Variants in PKHD1L1 observed in about 807,000 individuals in gnomAD.
The protein encoded by PKHD1L1 is fibrocystin-L.
Under a neutral mutation model 462.9 loss-of-function variants are expected in PKHD1L1, and 434 were observed. That is an observed-to-expected ratio of 0.94 (90% CI 0.87 to 1.02). The LOEUF is 1.02. Among genes scored for constraint, PKHD1L1 ranks in the 50% least tolerant of loss-of-function variants. The pLI, the probability that PKHD1L1 is intolerant of heterozygous loss-of-function variation, is 0.00. For synonymous variants in PKHD1L1, 1,781 were observed against 1,750.0 expected (o/e 1.02, Z -0.44); for missense variants, 5,202 against 5,096.1 (o/e 1.02, Z -0.63).
chr8:109,395,934 C>A, intron 10 of PKHD1L1, 93 bp from the exon 11 acceptor site: 1 of 797,398 alleles, frequency 1.3e-6, no homozygotes, highest in Non-Finnish European at 2.1e-6. Context: ...GTGTTAGGCA[C>A]TATGGCTAGG....
intron 45 of PKHD1L1, among the ~76,000 whole-genome samples, chr8:109,455,927 G>A (rs896676985): frequency 7.9e-5 from 12 of 151,956 alleles, no homozygotes; most frequent in Admixed American, 3.3e-4. Flanking sequence ...TACCAATAAT[G>A]ACAAAGACAA....
chr8:109,439,236 A>C (rs1274363916), intron 32 of PKHD1L1, 144 bp downstream of exon 32: 33 of 720,644 alleles, frequency 4.6e-5, no homozygotes, highest in Non-Finnish European at 7.0e-5. Context: ...AGATGCCGAG[A>C]ATATCTCATA....
At chr8:109,457,771 A>G (rs1454816965) in intron 46 of PKHD1L1, among the ~76,000 whole-genome samples, 1 of 152,212 alleles carries the variant, frequency 6.6e-6, no homozygotes, top group Non-Finnish European at 1.5e-5. Flanking sequence ...GGAAGGAAAG[A>G]TGTGTTTAGG....
chr8:109,498,823 T>G, intron 67 of PKHD1L1, 52 bp downstream of exon 67: 1 of 1,406,448 alleles, frequency 7.1e-7, no homozygotes, highest in Non-Finnish European at 9.8e-7. Context: ...GTAAAGAATA[T>G]GTAGAGGATA....
chr8:109,502,342 A>G (rs1044925677), intron 67 of PKHD1L1, among the ~76,000 whole-genome samples: 1 of 152,212 alleles, frequency 6.6e-6, no homozygotes, highest in African/African-American at 2.4e-5. Context: ...CCTGTGGAAG[A>G]TAAGATTTGT....
intron 24 of PKHD1L1, among the ~76,000 whole-genome samples, chr8:109,426,124 T>A (rs1371895649): frequency 6.6e-6 from 1 of 152,148 alleles, no homozygotes; most frequent in African/African-American, 2.4e-5. Flanking sequence ...ATTTTTATGT[T>A]TTTGTCACTG....
chr8:109,403,370 C>G (rs751635910), intron 14 of PKHD1L1, among the ~76,000 whole-genome samples: 1 of 152,164 alleles, frequency 6.6e-6, no homozygotes, highest in East Asian at 1.9e-4. Flanking sequence ...CCCTCAGTTA[C>G]TAGTTTAAAA....
chr8:109,394,080 C>T (rs556044135), intron 9 of PKHD1L1, among the ~76,000 whole-genome samples: 27 of 147,490 alleles, frequency 1.8e-4, no homozygotes, highest in African/African-American at 4.8e-4. Flanking sequence ...AGGCTGAGGC[C>T]GGAGAATCCC....
chr8:109,452,998 C>T (rs1305547176), intron 43 of PKHD1L1, 124 bp downstream of exon 43: 5 of 761,826 alleles, frequency 6.6e-6, no homozygotes, highest in Non-Finnish European at 9.1e-6. Flanking sequence ...ACAGTGTAGT[C>T]CTGGGCTTTC....
At chr8:109,380,956 C>T (rs1231798673) in intron 2 of PKHD1L1, among the ~76,000 whole-genome samples, 1 of 152,146 alleles carries the variant, frequency 6.6e-6, no homozygotes. Flanking sequence ...GCTATGTAGG[C>T]TCACAGTAGG....
intron 2 of PKHD1L1, among the ~76,000 whole-genome samples, chr8:109,367,033 T>C (rs906619819): frequency 6.6e-6 from 1 of 152,200 alleles, no homozygotes; most frequent in Non-Finnish European, 1.5e-5. Flanking sequence ...TCCAAGCTCA[T>C]AAAGTTGTAT....
At chr8:109,412,435 T>C (rs371374287) in intron 20 of PKHD1L1, 21 bp downstream of exon 20, 38 of 1,567,206 alleles carry the variant, frequency 2.4e-5, no homozygotes, top group East Asian at 9.0e-5. Flanking sequence ...CAAAATGATA[T>C]GCTAATTGAA....
intron 5 of PKHD1L1, 121 bp downstream of exon 5, chr8:109,384,248 A>G (rs1368987987): frequency 1.2e-6 from 1 of 856,150 alleles, no homozygotes; most frequent in South Asian, 1.7e-5. Context: ...CATTATAAAA[A>G]TAACTATCAG....
intron 46 of PKHD1L1, 90 bp from the exon 47 acceptor site, chr8:109,459,505 G>T (rs1054866471): frequency 3.0e-6 from 3 of 998,004 alleles, no homozygotes; most frequent in East Asian, 2.8e-5. Context: ...ATTTTGCAGA[G>T]TATTTAAAAT....
chr8:109,522,750 G>T lies in PKHD1L1; in HGVS notation c.12190G>T (p.Ala4064Ser), dbSNP rs747145007. The T allele has an allele frequency of 6.2e-7, 1 of 1,608,788 alleles. No individual in the cohort carries two copies. The highest frequency in any genetic ancestry group is 8.5e-7 in the Non-Finnish European group (1 of 1,178,518). Residue 4064 changes from alanine (A) to serine (S), a missense_variant, in exon 75 of 78, where the codon GCC becomes TCC. Physicochemically the swap from Ala to Ser is moderately conservative, Grantham distance 99. Coordinates refer to ENST00000378402, the MANE Select transcript of PKHD1L1 (RefSeq NM_177531.6). The part of the protein sequence containing the change: ...PSDSGWIKVT[A>S]QPVERSAFPV... ...ATCCCTTGTGCATTCACAGGTGACT[G>T]CCCAGCCAGTTGAAAGGTCTGCATT...
At chr8:109,519,579 G>A (rs928418417) in intron 73 of PKHD1L1, among the ~76,000 whole-genome samples, 2 of 152,020 alleles carry the variant, frequency 1.3e-5, no homozygotes, top group Admixed American at 1.3e-4. Context: ...TCAAGCACAA[G>A]TACTCTGATC....
chr8:109,402,540 T>C (rs550200864), intron 14 of PKHD1L1, among the ~76,000 whole-genome samples: 2 of 152,136 alleles, frequency 1.3e-5, no homozygotes, highest in Non-Finnish European at 2.9e-5. Flanking sequence ...GCTTAATACC[T>C]AGGTGATGAT....
rs1404810137 is a variant in PKHD1L1 at position 109,533,797 on chromosome 8, T to A, written c.*3707T>A. Among the ~76,000 whole-genome samples the A allele has an allele frequency of 6.6e-6, 1 of 151,424 alleles. No individual in the cohort carries two copies. Among genetic ancestry groups the A allele is most frequent in the South Asian group, 2.1e-4 (1 of 4,794 alleles). On this transcript the variant is annotated 3_prime_UTR_variant, in exon 78 of 78. Transcript: ENST00000378402. ...CAGAAAAATCTTGACAAAAAAAAAATTCCAGTGGATTGAATTAAAACTTTA... is the reference window on the plus strand; with the variant it reads ...CAGAAAAATCTTGACAAAAAAAAAAATCCAGTGGATTGAATTAAAACTTTA...
rs775644573 is a variant in PKHD1L1 at position 109,429,382 on chromosome 8, GT to G, written c.3045del (p.Thr1016GlnfsTer3). ...NIIGEKANMT[V>X]TRIKEGGLFR... ...TATTGGAGAAAAGGCTAATATGACA[GT>G]TACAAGGATAAAGGAAGGTGGCTTA... is the stretch of plus-strand genomic sequence containing the variant. On this transcript the variant is annotated frameshift_variant, in exon 26 of 78. Transcript: ENST00000378402. LOFTEE classifies it high-confidence loss of function. The G allele has an allele frequency of 6.3e-5, 99 of 1,566,934 alleles. No homozygotes were observed. In the Admixed American group the frequency reaches 1.7e-3, roughly 27 times the overall value.
Sources: gnomAD v4.1 joint callset for allele counts (sites outside exome capture counted in the v4.1 genomes callset) on GRCh38, gnomAD v4.1.1 for gene constraint, MANE v1.5 for transcripts, NCBI Gene and HGNC (gene_info 2026-07-23, HGNC 2026-07-21) for gene names.